Variants in CPSF3 observed in about 807,000 individuals in gnomAD.
CPSF3 encodes cleavage and polyadenylation specific factor 3, also known as cleavage and polyadenylation specificity factor subunit 3.
CPSF3 carries 57 observed loss-of-function variants against 84.1 expected under a neutral mutation model. The observed-to-expected ratio is 0.68, with a 90% confidence interval of 0.55 to 0.85. The LOEUF is 0.85. CPSF3 is among the 40% of genes least tolerant of loss of function. The pLI, the probability that CPSF3 is intolerant of heterozygous loss-of-function variation, is 0.00. For synonymous variants in CPSF3, 275 were observed against 278.1 expected, an observed-to-expected ratio of 0.99 and a Z score of 0.11; for missense variants, 522 against 838.8, an observed-to-expected ratio of 0.62 and a Z score of 4.66.
In CPSF3 at chr2:9,452,011, C is replaced by T. The variant is rs866284000; in HGVS notation, c.1396-902C>T. On this transcript the variant is annotated intron_variant, in intron 11 of 17. Coordinates refer to ENST00000238112, the MANE Select transcript of CPSF3 (RefSeq NM_016207.4). The stretch of plus-strand genomic sequence containing the variant: ...GATTATGGGCGTGAGCCACCATGCC[C>T]GGCCATAAATGAAACTTTTTAAAAA... 3.0e-4 allele frequency among the ~76,000 whole-genome samples: 46 copies of T among 152,178 alleles called. 1 individual carries two copies. The highest frequency in any genetic ancestry group is 1.2e-3 in the East Asian group (6 of 5,158).
At chr2:9,466,474 G>A (rs1394087038) in intron 15 of CPSF3, among the ~76,000 whole-genome samples, 1 of 152,196 alleles carries the variant, frequency 6.6e-6, no homozygotes, top group East Asian at 1.9e-4. Context: ...ATGCATGCAT[G>A]TAGTCCCAGC....
chr2:9,431,690 C>T (rs1306195715), intron 4 of CPSF3, among the ~76,000 whole-genome samples: 5 of 151,542 alleles, frequency 3.3e-5, no homozygotes, highest in African/African-American at 7.3e-5. Context: ...ATTACAGGCA[C>T]ACAGTGCATA....
intron 1 of CPSF3, chr2:9,424,776 C>T (rs959550155): frequency 3.9e-5 from 6 of 152,138 alleles, no homozygotes; most frequent in Admixed American, 3.9e-4. Context: ...TGCTCTCGCT[C>T]TTTTGGAGAG....
intron 11 of CPSF3, among the ~76,000 whole-genome samples, chr2:9,450,162 T>TTTTTTTTTTTTTTG (rs1681268297): frequency 6.7e-6 from 1 of 150,296 alleles, no homozygotes; most frequent in Non-Finnish European, 1.5e-5. Context: ...TTTTTTTTTT[T>TTTTTTTTTTTTTTG]TTTTTTTTAG....
chr2:9,451,779 C>T (rs1243160574), intron 11 of CPSF3, among the ~76,000 whole-genome samples: 1 of 149,186 alleles, frequency 6.7e-6, no homozygotes, highest in African/African-American at 2.5e-5. Flanking sequence ...TGCAGTGGCG[C>T]GATCTCAGCT....
At chr2:9,467,383 GT>G (rs1682013039) in intron 15 of CPSF3, among the ~76,000 whole-genome samples, 1 of 152,120 alleles carries the variant, frequency 6.6e-6, no homozygotes, top group Non-Finnish European at 1.5e-5. Flanking sequence ...TAAATGTAAA[GT>G]TTAAGAAATG....
rs543727439 is a variant in CPSF3, at chr2:9,459,638, C to CTTTTTTTT, written c.1786+41_1786+48dup. Reference sequence around the variant, plus strand: ...GAAAAGGTAAGAGTTCATTTTTATCCTTTTTTTTTTTTTTTTTTTTTTTTT... The same window carrying CTTTTTTTT: ...GAAAAGGTAAGAGTTCATTTTTATCCTTTTTTTTTTTTTTTTTTTTTTTTTTTTTTTTT... On this transcript the variant is annotated intron_variant, in intron 15 of 17. Transcript: ENST00000238112. 4.5e-4 allele frequency: 141 copies of CTTTTTTTT among 310,480 alleles called. 14 individuals are homozygous for CTTTTTTTT. The African/African-American group carries it at 5.5e-3, about 12-fold the overall frequency. 19.2% of individuals were successfully genotyped at this position (310,480 alleles called of 1,614,324 possible).
intron 13 of CPSF3, among the ~76,000 whole-genome samples, chr2:9,456,359 C>A (rs1681526548): frequency 6.6e-6 from 1 of 152,202 alleles, no homozygotes; most frequent in Admixed American, 6.5e-5. Context: ...CATTTTCCAT[C>A]AGTAACGCTC....
At chr2:9,461,351 G>GA (rs1681718436) in intron 15 of CPSF3, among the ~76,000 whole-genome samples, 3 of 152,092 alleles carry the variant, frequency 2.0e-5, no homozygotes, top group South Asian at 4.1e-4. Context: ...CATATTGACA[G>GA]AAAAAATGCA....
chr2:9,460,782 GACTACAGGCATAAGCCACTGT>G (rs1434173843), intron 15 of CPSF3, among the ~76,000 whole-genome samples: 5 of 151,324 alleles, frequency 3.3e-5, no homozygotes, highest in Non-Finnish European at 2.9e-5. Context: ...GAGTGGCTGA[GACTACAGGCATAAGCCACTGT>G]ACCCAGCTCT....
chr2:9,441,624 C>A, intron 8 of CPSF3, 194 bp from the exon 9 acceptor site: 1 of 580,118 alleles, frequency 1.7e-6, no homozygotes, highest in Non-Finnish European at 3.0e-6. Context: ...CTTTTTATTA[C>A]TTGGTTTTTC....
intron 3 of CPSF3, among the ~76,000 whole-genome samples, 196 bp downstream of exon 3, chr2:9,430,216 C>T (rs1474318171): frequency 2.0e-5 from 3 of 152,164 alleles, no homozygotes; most frequent in Non-Finnish European, 4.4e-5. Context: ...ACTTACCTAC[C>T]TCTATGTATA....
At chr2:9,460,148 G>C (rs951967502) in intron 15 of CPSF3, among the ~76,000 whole-genome samples, 5 of 152,098 alleles carry the variant, frequency 3.3e-5, no homozygotes, top group African/African-American at 1.2e-4. Flanking sequence ...TTAAGACTAA[G>C]ATAAAATCCT....
intron 5 of CPSF3, 38 bp from the exon 6 acceptor site, chr2:9,433,833 C>T (rs1465805243): frequency 1.4e-6 from 2 of 1,412,162 alleles, no homozygotes; most frequent in Admixed American, 1.8e-5. Context: ...ATGAAGCCTT[C>T]CCCAAATCCT....
At chr2:9,459,439 G>A in intron 14 of CPSF3, 92 bp from the exon 15 acceptor site, 1 of 783,678 alleles carries the variant, frequency 1.3e-6, no homozygotes, top group Non-Finnish European at 2.3e-6. Context: ...AGTTCCATAT[G>A]TACAGTCCAT....
intron 7 of CPSF3, among the ~76,000 whole-genome samples, chr2:9,438,353 A>G (rs1180536988): frequency 6.6e-6 from 1 of 152,224 alleles, no homozygotes; most frequent in South Asian, 2.1e-4. Context: ...AGAACAGAGA[A>G]GTTAGGAAGT....
chr2:9,455,514 A>G, intron 12 of CPSF3, 145 bp from the exon 13 acceptor site: 1 of 601,454 alleles, frequency 1.7e-6, no homozygotes, highest in South Asian at 2.1e-5. Context: ...GGGGAAATGT[A>G]AGGTGGTACC....
chr2:9,458,106 A>G (rs1197340832), intron 14 of CPSF3, among the ~76,000 whole-genome samples: 1 of 152,218 alleles, frequency 6.6e-6, no homozygotes, highest in Admixed American at 6.5e-5. Flanking sequence ...GCTAAAAGCA[A>G]CTAAAGAAAG....
intron 11 of CPSF3, among the ~76,000 whole-genome samples, chr2:9,451,777 C>A (rs368829459): frequency 6.9e-6 from 1 of 145,404 alleles, no homozygotes. Flanking sequence ...AGTGCAGTGG[C>A]GCGATCTCAG....
Sources: allele counts gnomAD v4.1 joint callset (sites outside exome capture counted in the v4.1 genomes callset), GRCh38; gene constraint gnomAD v4.1.1; transcripts MANE v1.5; gene names NCBI Gene and HGNC (gene_info 2026-07-23, HGNC 2026-07-21).